PLXDC2: variants seen among roughly 807,000 people sequenced by gnomAD.
PLXDC2 encodes plexin domain containing 2, also known as plexin domain-containing protein 2.
A neutral mutation model predicts 68.9 loss-of-function variants in PLXDC2; 40 were observed. The observed-to-expected ratio is 0.58, with a 90% CI of 0.45 to 0.76. PLXDC2 has a LOEUF of 0.76. Among genes scored for constraint, PLXDC2 ranks in the 30% least tolerant of loss-of-function variants. PLXDC2 has a pLI of 0.00. For synonymous variants in PLXDC2, 243 were observed against 234.2 expected, an observed-to-expected ratio of 1.04 and a Z score of -0.34; for missense variants, 644 against 661.9, an observed-to-expected ratio of 0.97 and a Z score of 0.30.
chr10:20,276,174 A>G (rs1267214484), intron 13 of PLXDC2, among the ~76,000 whole-genome samples: 1 of 152,076 alleles, frequency 6.6e-6, no homozygotes, highest in East Asian at 1.9e-4. Flanking sequence ...CTGGGCCTTT[A>G]ATTTCAAAAT....
At chr10:20,053,181 G>GTATAT (rs1835933770) in intron 3 of PLXDC2, among the ~76,000 whole-genome samples, 2 of 151,948 alleles carry the variant, frequency 1.3e-5, no homozygotes, top group Non-Finnish European at 2.9e-5. Flanking sequence ...TATCATCTCA[G>GTATAT]CCATAATCAT....
chr10:20,194,510 C>A (rs375524088), intron 9 of PLXDC2, among the ~76,000 whole-genome samples: 4 of 151,958 alleles, frequency 2.6e-5, no homozygotes, highest in African/African-American at 9.7e-5. Context: ...TAGATTACCA[C>A]ATATTTATTA....
intron 1 of PLXDC2, among the ~76,000 whole-genome samples, chr10:19,906,364 A>T (rs1042469628): frequency 3.3e-5 from 5 of 152,202 alleles, no homozygotes; most frequent in Non-Finnish European, 7.3e-5. Context: ...AGGGTCAGTC[A>T]GGAGGAAGAT....
At chr10:20,278,407 A>G (rs1836037088) in intron 13 of PLXDC2, among the ~76,000 whole-genome samples, 1 of 152,068 alleles carries the variant, frequency 6.6e-6, no homozygotes, top group Non-Finnish European at 1.5e-5. Context: ...GGTGCTTAGT[A>G]TGTTTCCATT....
At chr10:19,876,334 G>C (rs1356575521) in intron 1 of PLXDC2, among the ~76,000 whole-genome samples, 1 of 152,060 alleles carries the variant, frequency 6.6e-6, no homozygotes, top group African/African-American at 2.4e-5. Context: ...GCTTGATTGT[G>C]GTGAAATGTA....
At chr10:20,247,920 T>C (rs1026638187) in intron 13 of PLXDC2, among the ~76,000 whole-genome samples, 1 of 152,202 alleles carries the variant, frequency 6.6e-6, no homozygotes, top group Non-Finnish European at 1.5e-5. Flanking sequence ...TTGCCTTGAA[T>C]TGGAAATCTG....
At position 19,820,612 on chromosome 10, in the gene PLXDC2, G is replaced by A. The variant is rs376416933; in HGVS notation, c.112+3421G>A. Among the ~76,000 whole-genome samples, 135 of 146,902 alleles carry A rather than the reference G, an allele frequency of 9.2e-4. 1 individual carries two copies. In the East Asian group the frequency reaches 0.021, roughly 23 times the overall value. The stretch of plus-strand genomic sequence containing the variant: ...TTGCGCCACTGCAGTCCGCAGTCCG[G>A]CCTGGGCGACAGAGCGAGACTCCGT... On this transcript the variant is annotated intron_variant, in intron 1 of 13. Coordinates refer to ENST00000377252, the MANE Select transcript of PLXDC2 (RefSeq NM_032812.9).
intron 3 of PLXDC2, among the ~76,000 whole-genome samples, chr10:20,065,671 T>C (rs752743185): frequency 3.0e-4 from 45 of 152,168 alleles, no homozygotes; most frequent in Non-Finnish European, 4.6e-4. Context: ...CTGAGGGTAA[T>C]GGATGACAGT....
intron 4 of PLXDC2, among the ~76,000 whole-genome samples, chr10:20,094,422 G>T (rs1833321418): frequency 6.6e-6 from 1 of 152,086 alleles, no homozygotes; most frequent in Admixed American, 6.5e-5. Flanking sequence ...TTGATTTTCT[G>T]TCCAGGCTTA....
chr10:19,859,637 A>G (rs1398092813), intron 1 of PLXDC2, among the ~76,000 whole-genome samples: 8 of 152,188 alleles, frequency 5.3e-5, no homozygotes, highest in Admixed American at 5.2e-4. Flanking sequence ...AATGCACAGT[A>G]TAGCATTTTA....
intron 13 of PLXDC2, among the ~76,000 whole-genome samples, chr10:20,275,520 A>C (rs1835995214): frequency 6.6e-6 from 1 of 152,240 alleles, no homozygotes; most frequent in African/African-American, 2.4e-5. Context: ...AAGGAACTGT[A>C]CACCACAATT....
intron 12 of PLXDC2, among the ~76,000 whole-genome samples, chr10:20,239,499 A>C (rs1835485197): frequency 6.6e-6 from 1 of 152,214 alleles, no homozygotes; most frequent in African/African-American, 2.4e-5. Context: ...GCGGCAGGAC[A>C]GAAAGAGAAA....
intron 1 of PLXDC2, among the ~76,000 whole-genome samples, chr10:19,954,587 A>G (rs1448333114): frequency 6.6e-6 from 1 of 152,224 alleles, no homozygotes; most frequent in Non-Finnish European, 1.5e-5. Flanking sequence ...CTTCATTTAC[A>G]TGTATCTTAT....
At chr10:20,076,626 G>C (rs539190720) in intron 4 of PLXDC2, among the ~76,000 whole-genome samples, 2 of 151,962 alleles carry the variant, frequency 1.3e-5, no homozygotes, top group Non-Finnish European at 2.9e-5. Flanking sequence ...TTTTTAGTTT[G>C]TCTGTTGTTT....
chr10:20,109,203 C>T (rs1169745921), intron 4 of PLXDC2, among the ~76,000 whole-genome samples: 1 of 152,188 alleles, frequency 6.6e-6, no homozygotes, highest in Non-Finnish European at 1.5e-5. Context: ...GCCAGTTAAT[C>T]TTAATATCAA....
intron 2 of PLXDC2, among the ~76,000 whole-genome samples, chr10:20,015,369 T>C (rs143840078): frequency 1.8e-3 from 281 of 152,314 alleles, no homozygotes; most frequent in African/African-American, 6.5e-3. Context: ...TGTGTGTTTG[T>C]GTGTGAGTTT....
At chr10:20,017,619 C>T (rs746733461) in intron 2 of PLXDC2, among the ~76,000 whole-genome samples, 6 of 152,134 alleles carry the variant, frequency 3.9e-5, no homozygotes, top group Non-Finnish European at 5.9e-5. Context: ...AGAATTCATC[C>T]GAACAAATAG....
intron 6 of PLXDC2, among the ~76,000 whole-genome samples, chr10:20,162,004 A>G (rs889603725): frequency 4.0e-5 from 6 of 149,086 alleles, no homozygotes; most frequent in African/African-American, 1.5e-4. Flanking sequence ...CCTGGACAAC[A>G]AGAGTGAAAC....
At chr10:19,984,710 T>G (rs1834607270) in intron 1 of PLXDC2, among the ~76,000 whole-genome samples, 1 of 152,208 alleles carries the variant, frequency 6.6e-6, no homozygotes, top group Non-Finnish European at 1.5e-5. Flanking sequence ...AATTATTCAG[T>G]GTTTTACTGA....
Sources: allele counts gnomAD v4.1 joint callset (sites outside exome capture counted in the v4.1 genomes callset), GRCh38; gene constraint gnomAD v4.1.1; transcripts MANE v1.5; gene names NCBI Gene and HGNC (gene_info 2026-07-23, HGNC 2026-07-21).